RFPL2: variants seen among roughly 807,000 people sequenced by gnomAD.
RFPL2 encodes ret finger protein-like 2.
In RFPL2, 13 loss-of-function variants were observed where a neutral mutation model predicts 17.8. That is an observed-to-expected ratio of 0.73 (90% CI 0.47 to 1.16). The LOEUF (loss-of-function observed/expected upper bound fraction) is 1.16, where lower values mean the gene tolerates loss of function less well. RFPL2 is among the 50% of genes most tolerant of loss of function. The pLI is 0.00. For synonymous variants in RFPL2, 189 were observed against 180.9 expected, an observed-to-expected ratio of 1.04 and a Z score of -0.36; for missense variants, 431 against 479.3, an observed-to-expected ratio of 0.90 and a Z score of 0.94.
chr22:32,196,953 T>C (rs1337629547), intron 2 of RFPL2, among the ~76,000 whole-genome samples: 1 of 152,206 alleles, frequency 6.6e-6, no homozygotes, highest in Admixed American at 6.5e-5. Context: ...ACATTCATGG[T>C]TTGAGATGTT....
intron 2 of RFPL2, among the ~76,000 whole-genome samples, chr22:32,196,535 T>G (rs546510587): frequency 5.3e-4 from 80 of 152,150 alleles, no homozygotes; most frequent in Non-Finnish European, 1.0e-3. Context: ...AAGCAATCAT[T>G]TGGGGTTTGC....
chr22:32,204,475 A>G (rs1924329183), intron 1 of RFPL2, among the ~76,000 whole-genome samples: 1 of 151,322 alleles, frequency 6.6e-6, no homozygotes, highest in South Asian at 2.1e-4. Flanking sequence ...GGCGCCCTCA[A>G]TCCGCCCCCG....
chr22:32,201,493 C>T (rs533393341), intron 2 of RFPL2, among the ~76,000 whole-genome samples: 1 of 152,354 alleles, frequency 6.6e-6, no homozygotes, highest in South Asian at 2.1e-4. Context: ...GACACATGCA[C>T]AGGTGACCTG....
intron 4 of RFPL2, among the ~76,000 whole-genome samples, chr22:32,191,914 A>G (rs572516657): frequency 7.6e-5 from 9 of 118,762 alleles, no homozygotes; most frequent in Admixed American, 3.8e-4. Context: ...TGTCCAGAAC[A>G]TTCTGAAAAA....
At position 32,204,571 on chromosome 22, in the gene RFPL2, A is replaced by G. The variant is rs561199758; in HGVS notation, c.-100+136T>C. On this transcript the variant is annotated intron_variant, in intron 1 of 4. Transcript: ENST00000652607. ...CTGCCGCAGGCAGTGAGCCCTGGAT[A>G]GCTCATCCACCCCGCCACCTTTCTA... Among the ~76,000 whole-genome samples, 6 of 152,180 alleles carry G rather than the reference A, an allele frequency of 3.9e-5. No individual in the cohort carries two copies. In the South Asian group the frequency reaches 1.0e-3, roughly 26 times the overall value.
At chr22:32,201,602 A>T (rs1015436681) in intron 2 of RFPL2, among the ~76,000 whole-genome samples, 7 of 152,138 alleles carry the variant, frequency 4.6e-5, no homozygotes, top group Non-Finnish European at 8.8e-5. Context: ...TGGAGGACGC[A>T]TCATTTATAG....
At position 32,191,792 on chromosome 22, in the gene RFPL2, T is replaced by A. The variant is rs573599741; in HGVS notation, c.557-440A>T. On this transcript the variant is annotated intron_variant, in intron 4 of 4. Coordinates refer to ENST00000652607, the MANE Select transcript of RFPL2 (RefSeq NM_001394555.1). ...TGAGTCCAGGCCTTTGTTTTCCATGTTTGTAAACAAATTAATCGTGTACAG... is the reference window on the plus strand; with the variant it reads ...TGAGTCCAGGCCTTTGTTTTCCATGATTGTAAACAAATTAATCGTGTACAG... Among the ~76,000 whole-genome samples, 10 of 152,332 alleles carry A rather than the reference T, an allele frequency of 6.6e-5. No individual in the cohort carries two copies. The East Asian group carries it at 1.9e-3, about 29-fold the overall frequency.
At chr22:32,191,399 C>T in intron 4 of RFPL2, 47 bp from the exon 5 acceptor site, 1 of 1,557,828 alleles carries the variant, frequency 6.4e-7, no homozygotes, top group Middle Eastern at 1.7e-4. Context: ...AGAAACCAAC[C>T]CTATGCCTCT....
At chr22:32,195,974 C>G (rs9621402) in intron 2 of RFPL2, among the ~76,000 whole-genome samples, 7,490 of 152,082 alleles carry the variant, frequency 0.049, 298 homozygotes, top group African/African-American at 0.11. Flanking sequence ...TCCCATCTAG[C>G]TGTAATTCTG....
intron 2 of RFPL2, among the ~76,000 whole-genome samples, 166 bp downstream of exon 2, chr22:32,202,167 T>A (rs1451807289): frequency 6.6e-6 from 1 of 152,104 alleles, no homozygotes; most frequent in East Asian, 1.9e-4. Flanking sequence ...TCTCCTGATC[T>A]TCTCTCCCCC....
chr22:32,203,442 C>T (rs1180493438), intron 1 of RFPL2: 2 of 152,088 alleles, frequency 1.3e-5, no homozygotes, highest in Non-Finnish European at 2.9e-5. Context: ...AGGATAGCGC[C>T]GCCAACCCGG....
chr22:32,194,518 G>C, intron 2 of RFPL2, 28 bp from the exon 3 acceptor site: 1 of 1,594,262 alleles, frequency 6.3e-7, no homozygotes, highest in Non-Finnish European at 8.6e-7. Flanking sequence ...CAGGGAATTA[G>C]GTTTTTACTG....
intron 3 of RFPL2, 186 bp from the exon 4 acceptor site, chr22:32,193,378 C>T: frequency 1.4e-6 from 2 of 1,424,786 alleles, no homozygotes; most frequent in Non-Finnish European, 1.9e-6. Flanking sequence ...ATTTGAAGTT[C>T]TATTGGGAAA....
In RFPL2 at chr22:32,191,088, A is replaced by C. The variant is rs1259250857; in HGVS notation, c.821T>G (p.Leu274Arg). The stretch of plus-strand genomic sequence containing the variant: ...CCTCAAACTCACAGTCCAGAATCCA[A>C]GCTCTGTGGTCAGCTGGATCCTCCC... ...RKGRIQLTTELGFWTVSLRDG... is the reference protein window; with the variant it reads ...RKGRIQLTTERGFWTVSLRDG... The change falls in exon 5 of 5, where the codon CTT becomes CGT. Residue 274 changes from leucine (L) to arginine (R), a missense_variant. Transcript: ENST00000652607. 22 of 1,613,808 alleles carry C rather than the reference A, an allele frequency of 1.4e-5. No homozygotes were observed. Among genetic ancestry groups the C allele is most frequent in the Admixed American group, 1.0e-4 (6 of 60,002 alleles).
intron 2 of RFPL2, among the ~76,000 whole-genome samples, chr22:32,202,092 G>A (rs1273061660): frequency 6.6e-6 from 1 of 152,090 alleles, no homozygotes; most frequent in Non-Finnish European, 1.5e-5. Context: ...AGCTTCTAGA[G>A]GACGCCCCCA....
chr22:32,193,662 AC>A (rs1297014904), intron 3 of RFPL2, among the ~76,000 whole-genome samples: 2 of 152,158 alleles, frequency 1.3e-5, no homozygotes, highest in African/African-American at 4.8e-5. Context: ...AAAGTTCGAG[AC>A]CAGCCTGACC....
rs568857628 is a variant in RFPL2 at position 32,191,205 on chromosome 22, C to T, written c.704G>A (p.Arg235His). Residue 235 changes from arginine (R) to histidine (H), a missense_variant, in exon 5 of 5, where the codon CGC becomes CAC. Coordinates refer to ENST00000652607, the MANE Select transcript of RFPL2 (RefSeq NM_001394555.1). Reference sequence around the variant, plus strand: ...CCAGCAGTGGCGGCCACAGGTAAAGCGAGGGGAGCCCAGGATGCAAACGGA... The same window carrying T: ...CCAGCAGTGGCGGCCACAGGTAAAGTGAGGGGAGCCCAGGATGCAAACGGA... ...DVSVCILGSP[R>H]FTCGRHCWEV... is the part of the protein sequence containing the mutation. The T allele has an allele frequency of 9.3e-6, 15 of 1,613,918 alleles. No individual in the cohort carries two copies. The highest frequency in any genetic ancestry group is 8.3e-5 in the Admixed American group (5 of 60,016).
intron 3 of RFPL2, 23 bp from the exon 4 acceptor site, chr22:32,193,215 G>A: frequency 6.2e-7 from 1 of 1,613,862 alleles, no homozygotes; most frequent in South Asian, 1.1e-5. Flanking sequence ...AAGTACACAA[G>A]GTAAAAAAAT....
chr22:32,202,629 G>A, intron 1 of RFPL2, 79 bp from the exon 2 acceptor site: 3 of 1,424,492 alleles, frequency 2.1e-6, no homozygotes, highest in South Asian at 3.1e-5. Context: ...CGGTTTCAGC[G>A]AAGGTACTCA....
Sources: gnomAD v4.1 joint callset for allele counts (sites outside exome capture counted in the v4.1 genomes callset) on GRCh38, gnomAD v4.1.1 for gene constraint, MANE v1.5 for transcripts, NCBI Gene and HGNC (gene_info 2026-07-23, HGNC 2026-07-21) for gene names.